Variants in TMTC3 observed in about 807,000 individuals in gnomAD.
TMTC3 encodes the protein transmembrane O-mannosyltransferase targeting cadherins 3, also known as protein O-mannosyl-transferase TMTC3.
Under a neutral mutation model 92.2 loss-of-function variants are expected in TMTC3, and 52 were observed. That is an observed-to-expected ratio of 0.56 (90% CI 0.45 to 0.71). The LOEUF is 0.71. TMTC3 is among the 30% of genes least tolerant of loss of function. TMTC3 has a pLI of 0.00. For synonymous variants in TMTC3, 339 were observed against 363.3 expected, an observed-to-expected ratio of 0.93 and a Z score of 0.76; for missense variants, 896 against 1,057.1, an observed-to-expected ratio of 0.85 and a Z score of 2.11.
At chr12:88,178,618 C>G (rs899078819) in intron 10 of TMTC3, among the ~76,000 whole-genome samples, 1 of 150,750 alleles carries the variant, frequency 6.6e-6, no homozygotes, top group African/African-American at 2.5e-5. Flanking sequence ...ACATCTGATT[C>G]ATTTTTGTAC....
chr12:88,160,300 AT>A, intron 5 of TMTC3, 71 bp downstream of exon 5: 2 of 861,522 alleles, frequency 2.3e-6, no homozygotes, highest in Non-Finnish European at 3.3e-6. Context: ...AATTTTATTT[AT>A]TTTTATTTTC....
In TMTC3 at chr12:88,197,732, AATTT is replaced by A. The variant is rs1405286177; in HGVS notation, c.*2089_*2092del. On this transcript the variant is annotated 3_prime_UTR_variant, in exon 14 of 14. Coordinates refer to ENST00000266712, the MANE Select transcript of TMTC3 (RefSeq NM_181783.4). ...GTGCTCATGTATTTGAATTTTAAAT[AATTT>A]ATTTAAATCAAGACCACCATAAGTC... The A allele has an allele frequency of 2.0e-5, 3 of 152,090 alleles. No individual in the cohort carries two copies. The highest frequency in any genetic ancestry group is 1.9e-4 in the East Asian group (1 of 5,200). The allele number at this position is 152,090 out of a possible 1,614,324, so 9.4% of individuals were successfully genotyped here.
rs1345830627 is a variant in TMTC3 at position 88,177,571 on chromosome 12, G to A, written c.1432+1252G>A. 4.6e-5 allele frequency among the ~76,000 whole-genome samples: 7 copies of A among 152,136 alleles called. No individual in the cohort carries two copies. In the East Asian group the frequency reaches 1.3e-3, roughly 29 times the overall value. On this transcript the variant is annotated intron_variant, in intron 10 of 13. Coordinates refer to ENST00000266712, the MANE Select transcript of TMTC3 (RefSeq NM_181783.4). ...GATCAGTGGATCTGAGGAATTGTTG[G>A]TTTCTGAGTAGGATGTAGCTAGAGC...
At chr12:88,151,333 C>G (rs1192066923) in intron 2 of TMTC3, among the ~76,000 whole-genome samples, 1 of 152,124 alleles carries the variant, frequency 6.6e-6, no homozygotes, top group Non-Finnish European at 1.5e-5. Flanking sequence ...TTTGCCATCC[C>G]TATATTGAGA....
chr12:88,189,138 G>A (rs2041411956), intron 11 of TMTC3, among the ~76,000 whole-genome samples, 192 bp downstream of exon 11: 1 of 148,490 alleles, frequency 6.7e-6, no homozygotes, highest in African/African-American at 2.5e-5. Context: ...GTATTGCCCA[G>A]ACTGGAGTGC....
In TMTC3 at chr12:88,194,986, C is replaced by T. The variant is rs748079515; in HGVS notation, c.2082C>T (p.Ala694=). ...DNEAEIWMKK[A]IKLQADFRSA... ...AAGCAGAGATTTGGATGAAGAAAGC[C>T]ATAAAGTTACAAGCCGACTTCCGAA... Residue 694 remains alanine (A), a synonymous_variant, in exon 14 of 14, where the codon GCC becomes GCT. Coordinates refer to ENST00000266712, the MANE Select transcript of TMTC3 (RefSeq NM_181783.4). 2 of 1,613,726 alleles carry T rather than the reference C, an allele frequency of 1.2e-6. No homozygotes were observed. Among genetic ancestry groups the T allele is most frequent in the Non-Finnish European group, 1.7e-6 (2 of 1,179,878 alleles).
At chr12:88,189,958 TTAAC>T (rs979538611) in intron 11 of TMTC3, among the ~76,000 whole-genome samples, 21 of 152,110 alleles carry the variant, frequency 1.4e-4, no homozygotes, top group African/African-American at 4.3e-4. Context: ...TTAAAAAAAA[TTAAC>T]TATCCTATCA....
chr12:88,185,092 T>G (rs992031202), intron 10 of TMTC3, among the ~76,000 whole-genome samples: 1 of 152,178 alleles, frequency 6.6e-6, no homozygotes, highest in African/African-American at 2.4e-5. Context: ...TGACATACAA[T>G]AGACTATACA....
chr12:88,150,604 GAA>G (rs540345629), intron 2 of TMTC3, among the ~76,000 whole-genome samples: 102 of 152,254 alleles, frequency 6.7e-4, no homozygotes, highest in African/African-American at 2.4e-3. Flanking sequence ...TATTAAGAGT[GAA>G]GAGTGTAGTT....
rs1023052369 is a variant in TMTC3 at position 88,199,010 on chromosome 12, A to G, written c.*3361A>G. The stretch of plus-strand genomic sequence containing the variant: ...CATATTTCTAAGTATTCATTATTAA[A>G]TTGGTACTTCTTAAAACCATAACCT... On this transcript the variant is annotated 3_prime_UTR_variant, in exon 14 of 14. Transcript: ENST00000266712. 5.3e-5 allele frequency: 8 copies of G among 152,130 alleles called. No individual in the cohort carries two copies. Among genetic ancestry groups the G allele is most frequent in the Non-Finnish European group, 1.2e-4 (8 of 67,976 alleles). The allele number at this position is 152,130 out of a possible 1,614,324, so 9.4% of individuals were successfully genotyped here.
intron 2 of TMTC3, among the ~76,000 whole-genome samples, chr12:88,149,493 A>G (rs1448084214): frequency 6.6e-6 from 1 of 152,216 alleles, no homozygotes; most frequent in Non-Finnish European, 1.5e-5. Flanking sequence ...CTAAAATTCT[A>G]TATTAATAAA....
intron 7 of TMTC3, among the ~76,000 whole-genome samples, chr12:88,166,992 GTTTT>G (rs36110529): frequency 2.5e-5 from 3 of 121,444 alleles, no homozygotes; most frequent in Non-Finnish European, 3.5e-5. Context: ...TATTTGAACA[GTTTT>G]TTTTTTTTTT....
chr12:88,145,699 ATTATGTAT>A (rs1360188531), intron 1 of TMTC3, among the ~76,000 whole-genome samples: 1 of 152,170 alleles, frequency 6.6e-6, no homozygotes, highest in Admixed American at 6.5e-5. Flanking sequence ...GGAAATAGAT[ATTATGTAT>A]TCACGTGGGG....
At chr12:88,183,546 TG>T (rs1340276894) in intron 10 of TMTC3, among the ~76,000 whole-genome samples, 1 of 152,008 alleles carries the variant, frequency 6.6e-6, no homozygotes, top group African/African-American at 2.4e-5. Flanking sequence ...CCTTTACTGG[TG>T]GGGCTGAGGG....
At position 88,146,554 on chromosome 12, in the gene TMTC3, C is replaced by T. The variant is rs75228882; in HGVS notation, c.-28-1734C>T. On this transcript the variant is annotated intron_variant, in intron 1 of 13. Coordinates refer to ENST00000266712, the MANE Select transcript of TMTC3 (RefSeq NM_181783.4). ...CTATAAGCACATGAGTGACCCCAGGCACAACTAACAGAAGAACCATATACA... is the reference window on the plus strand; with the variant it reads ...CTATAAGCACATGAGTGACCCCAGGTACAACTAACAGAAGAACCATATACA... Among the ~76,000 whole-genome samples the T allele has an allele frequency of 6.2e-3, 934 of 150,950 alleles. 15 individuals are homozygous for T. The highest frequency in any genetic ancestry group is 0.022 in the African/African-American group (897 of 41,138).
Position 88,172,578 on chromosome 12 carries a change from C to A in TMTC3, c.1051-19C>A. The A allele has an allele frequency of 7.8e-7, 1 of 1,284,876 alleles. No individual in the cohort carries two copies. Among genetic ancestry groups the A allele is most frequent in the Non-Finnish European group, 1.0e-6 (1 of 985,536 alleles). The allele number at this position is 1,284,876 out of a possible 1,614,324, so 79.6% of individuals were successfully genotyped here. Reference sequence around the variant, plus strand: ...TTAAATTTATTATAAATTATTAAATCTTCTTTTTTTTTTTGTAGGCGCTTT... The same window carrying A: ...TTAAATTTATTATAAATTATTAAATATTCTTTTTTTTTTTGTAGGCGCTTT... On this transcript the variant is annotated intron_variant, in intron 7 of 13. Coordinates refer to ENST00000266712, the MANE Select transcript of TMTC3 (RefSeq NM_181783.4).
rs939224085 is a variant in TMTC3 at position 88,160,001 on chromosome 12, A to G, written c.509-113A>G. The stretch of plus-strand genomic sequence containing the variant: ...GTATATTTTAAAGTATGTACTACTA[A>G]TTAATGAGAAATAGCACTCATATGG... On this transcript the variant is annotated intron_variant, in intron 4 of 13. Coordinates refer to ENST00000266712, the MANE Select transcript of TMTC3 (RefSeq NM_181783.4). 4.9e-6 allele frequency: 3 copies of G among 615,280 alleles called. No individual in the cohort carries two copies. The Admixed American group carries it at 9.5e-5, about 19-fold the overall frequency. The allele number at this position is 615,280 out of a possible 1,614,324, so 38.1% of individuals were successfully genotyped here.
chr12:88,171,320 T>A (rs1264342403), intron 7 of TMTC3, among the ~76,000 whole-genome samples: 1 of 152,134 alleles, frequency 6.6e-6, no homozygotes, highest in Non-Finnish European at 1.5e-5. Flanking sequence ...TAATTTGTAT[T>A]CCTCCTAACT....
chr12:88,174,179 TATC>T (rs1182424929), intron 8 of TMTC3, among the ~76,000 whole-genome samples: 4 of 152,034 alleles, frequency 2.6e-5, no homozygotes, highest in Non-Finnish European at 4.4e-5. Context: ...AAACCAAAAA[TATC>T]ATGATAGTCT....
Sources: allele counts gnomAD v4.1 joint callset (sites outside exome capture counted in the v4.1 genomes callset), GRCh38; gene constraint gnomAD v4.1.1; transcripts MANE v1.5; gene names NCBI Gene and HGNC (gene_info 2026-07-23, HGNC 2026-07-21).